Variants in CNTN4 observed in about 807,000 individuals in gnomAD.
The protein encoded by CNTN4 is contactin-4.
Under a neutral mutation model 122.5 loss-of-function variants are expected in CNTN4, and 77 were observed. The ratio of observed to expected loss-of-function variants is 0.63; its 90% CI spans 0.52 to 0.76. The LOEUF is 0.76. Among genes scored for constraint, CNTN4 ranks in the 30% least tolerant of loss-of-function variants. The pLI, the probability that CNTN4 is intolerant of heterozygous loss-of-function variation, is 0.00. For missense variants in CNTN4, 1,256 were observed against 1,259.1 expected, an observed-to-expected ratio of 1.00 and a Z score of 0.04; for synonymous variants, 512 against 447.0, an observed-to-expected ratio of 1.15 and a Z score of -1.83.
intron 7 of CNTN4, among the ~76,000 whole-genome samples, chr3:2,846,776 C>G (rs1410480632): frequency 6.6e-6 from 1 of 152,144 alleles, no homozygotes; most frequent in Non-Finnish European, 1.5e-5. Context: ...GCAGGCCGAT[C>G]ACCTGAGGTT....
intron 3 of CNTN4, among the ~76,000 whole-genome samples, chr3:2,501,533 C>T (rs185689120): frequency 1.2e-3 from 181 of 152,234 alleles, no homozygotes; most frequent in African/African-American, 3.7e-3. Flanking sequence ...TTCTAGAGGC[C>T]ACCTGCATTC....
rs543980057 is a variant in CNTN4, at chr3:2,935,721, A to T, written c.1358+9942A>T. Among the ~76,000 whole-genome samples, 9 of 152,282 alleles carry T rather than the reference A, an allele frequency of 5.9e-5. No individual in the cohort carries two copies. In the South Asian group the frequency reaches 1.9e-3, roughly 32 times the overall value. ...TATCATAGTTATAAACTTCATATTTACAGCTATTGGTTATTTAATTAATGT... is the reference window on the plus strand; with the variant it reads ...TATCATAGTTATAAACTTCATATTTTCAGCTATTGGTTATTTAATTAATGT... On this transcript the variant is annotated intron_variant, in intron 13 of 24. Transcript: ENST00000418658.
intron 2 of CNTN4, among the ~76,000 whole-genome samples, chr3:2,165,283 A>G (rs2036147633): frequency 6.6e-6 from 1 of 151,938 alleles, no homozygotes; most frequent in Non-Finnish European, 1.5e-5. Flanking sequence ...AGATCGCGCC[A>G]TTGCACTCCA....
intron 2 of CNTN4, among the ~76,000 whole-genome samples, chr3:2,219,761 T>A (rs1436160688): frequency 1.3e-5 from 2 of 152,188 alleles, no homozygotes; most frequent in African/African-American, 4.8e-5. Context: ...ATTTAAGCAT[T>A]ATTTTTTATG....
chr3:2,911,761 A>T (rs1278281161), intron 12 of CNTN4, among the ~76,000 whole-genome samples: 1 of 152,182 alleles, frequency 6.6e-6, no homozygotes, highest in Non-Finnish European at 1.5e-5. Context: ...GAAATTCTGG[A>T]GGTGAAGAAT....
intron 4 of CNTN4, among the ~76,000 whole-genome samples, chr3:2,648,562 C>T (rs991954225): frequency 5.9e-5 from 9 of 152,132 alleles, no homozygotes; most frequent in Admixed American, 2.0e-4. Flanking sequence ...AGAACTTAAT[C>T]GATCAATGTT....
rs550730504 is a variant in CNTN4, at chr3:2,978,577, C to A, written c.1359-9768C>A. On this transcript the variant is annotated intron_variant, in intron 13 of 24. Coordinates refer to ENST00000418658, the MANE Select transcript of CNTN4 (RefSeq NM_175607.3). ...GAATGGGCTTTTATATGAAATCATA[C>A]AATTATTAGATTGTTATTTTAATTG... Among the ~76,000 whole-genome samples the A allele has an allele frequency of 8.5e-5, 13 of 152,328 alleles. No individual in the cohort carries two copies. In the South Asian group the frequency reaches 2.7e-3, roughly 32 times the overall value.
At chr3:2,883,322 C>A in intron 9 of CNTN4, 75 bp downstream of exon 9, 1 of 1,062,158 alleles carries the variant, frequency 9.4e-7, no homozygotes, top group Non-Finnish European at 1.4e-6. Flanking sequence ...GCACTGTTCA[C>A]AGCGATGGTT....
At chr3:2,220,383 AC>A (rs1406644648) in intron 2 of CNTN4, among the ~76,000 whole-genome samples, 1 of 152,174 alleles carries the variant, frequency 6.6e-6, no homozygotes, top group Non-Finnish European at 1.5e-5. Context: ...CAGGGTACTT[AC>A]CTTATTCATA....
intron 13 of CNTN4, among the ~76,000 whole-genome samples, chr3:2,948,294 A>G (rs530677859): frequency 6.6e-6 from 1 of 152,296 alleles, no homozygotes; most frequent in Non-Finnish European, 1.5e-5. Context: ...ACAAACCTAC[A>G]ATACGTTCAA....
intron 4 of CNTN4, among the ~76,000 whole-genome samples, chr3:2,673,146 G>A (rs540504627): frequency 6.6e-6 from 1 of 152,212 alleles, no homozygotes; most frequent in African/African-American, 2.4e-5. Context: ...GCAATCTATG[G>A]TCAAACTATT....
At chr3:2,615,822 C>T (rs1223703166) in intron 4 of CNTN4, among the ~76,000 whole-genome samples, 2 of 152,250 alleles carry the variant, frequency 1.3e-5, no homozygotes, top group African/African-American at 4.8e-5. Context: ...CCTATAAAAG[C>T]ACTGATACAT....
chr3:2,481,485 A>G (rs1377472355), intron 3 of CNTN4, among the ~76,000 whole-genome samples: 1 of 152,144 alleles, frequency 6.6e-6, no homozygotes, highest in Non-Finnish European at 1.5e-5. Context: ...CTGAACATCA[A>G]CATGTAAGAC....
chr3:2,463,136 T>C (rs1442354227), intron 3 of CNTN4, among the ~76,000 whole-genome samples: 1 of 151,786 alleles, frequency 6.6e-6, no homozygotes. Context: ...CTTGTCCAAA[T>C]ACAAATGTGA....
chr3:2,185,342 G>A (rs1054100061), intron 2 of CNTN4, among the ~76,000 whole-genome samples: 3 of 152,128 alleles, frequency 2.0e-5, no homozygotes, highest in African/African-American at 7.2e-5. Context: ...AGTGTGTAAA[G>A]TCCCCAACCC....
rs2085940009 is a variant in CNTN4 at position 2,694,863 on chromosome 3, C to T, written c.56-41352C>T. ...AGAACATGTAGTTTGAGGAGTAGAC[C>T]TCACAACGTTTGTTTTTGTATTAGT... On this transcript the variant is annotated intron_variant, in intron 4 of 24. Coordinates refer to ENST00000418658, the MANE Select transcript of CNTN4 (RefSeq NM_175607.3). 2.0e-5 allele frequency among the ~76,000 whole-genome samples: 3 copies of T among 152,164 alleles called. No homozygotes were observed. In the South Asian group the frequency reaches 6.2e-4, roughly 32 times the overall value.
At chr3:2,195,502 A>G (rs2037791937) in intron 2 of CNTN4, among the ~76,000 whole-genome samples, 1 of 152,226 alleles carries the variant, frequency 6.6e-6, no homozygotes, top group African/African-American at 2.4e-5. Context: ...GAACCTCCAT[A>G]TTGTTTTCCT....
chr3:2,839,176 G>A (rs1041921705), intron 7 of CNTN4, among the ~76,000 whole-genome samples: 5 of 152,164 alleles, frequency 3.3e-5, no homozygotes, highest in African/African-American at 4.8e-5. Flanking sequence ...TTTTGAAAAC[G>A]TTATTTTTTC....
At chr3:2,706,702 A>T (rs988087701) in intron 4 of CNTN4, among the ~76,000 whole-genome samples, 2 of 152,152 alleles carry the variant, frequency 1.3e-5, no homozygotes, top group African/African-American at 2.4e-5. Context: ...ATGGGTGCTA[A>T]AGAACAATTC....
Sources: allele counts gnomAD v4.1 joint callset (sites outside exome capture counted in the v4.1 genomes callset), GRCh38; gene constraint gnomAD v4.1.1; transcripts MANE v1.5; gene names NCBI Gene and HGNC (gene_info 2026-07-23, HGNC 2026-07-21).